Variants in NLGN1 observed in about 807,000 individuals in gnomAD.
NLGN1 encodes neuroligin-1.
A neutral mutation model predicts 65.5 loss-of-function variants in NLGN1; 12 were observed. The ratio of observed to expected loss-of-function variants is 0.18; its 90% CI spans 0.12 to 0.30. The LOEUF (loss-of-function observed/expected upper bound fraction) is 0.30. Among genes scored for constraint, NLGN1 ranks in the 10% least tolerant of loss-of-function variants. NLGN1 has a pLI of 1.00. For missense variants in NLGN1, 750 were observed against 1,007.1 expected (o/e 0.74, Z 3.46); for synonymous variants, 350 against 359.5 (o/e 0.97, Z 0.30).
intron 3 of NLGN1, among the ~76,000 whole-genome samples, chr3:173,634,006 T>A (rs1756167403): frequency 6.6e-6 from 1 of 152,162 alleles, no homozygotes; most frequent in Admixed American, 6.5e-5. Context: ...ACAACTTGCC[T>A]AAGTAATTCT....
chr3:174,206,290 CA>C (rs1488628966), intron 4 of NLGN1, among the ~76,000 whole-genome samples: 1 of 152,248 alleles, frequency 6.6e-6, no homozygotes, highest in Non-Finnish European at 1.5e-5. Flanking sequence ...CATGCAGTGA[CA>C]GGGGCGAAAT....
chr3:173,719,726 A>G (rs956044489), intron 3 of NLGN1, among the ~76,000 whole-genome samples: 1 of 152,204 alleles, frequency 6.6e-6, no homozygotes, highest in Admixed American at 6.5e-5. Context: ...TGAAAATGTC[A>G]AAGTGTTTAT....
intron 5 of NLGN1, among the ~76,000 whole-genome samples, chr3:174,276,339 A>G (rs962587595): frequency 2.0e-5 from 3 of 151,914 alleles, no homozygotes; most frequent in Admixed American, 6.6e-5. Flanking sequence ...TTCCAACTGC[A>G]TTATTAATTT....
intron 3 of NLGN1, among the ~76,000 whole-genome samples, chr3:173,761,906 G>A (rs770893437): frequency 6.6e-6 from 1 of 152,058 alleles, no homozygotes; most frequent in Non-Finnish European, 1.5e-5. Flanking sequence ...TGAGGCTTCA[G>A]TTACATTTTG....
At chr3:174,197,537 A>AG (rs1553960494) in intron 4 of NLGN1, among the ~76,000 whole-genome samples, 2 of 149,640 alleles carry the variant, frequency 1.3e-5, no homozygotes, top group African/African-American at 4.9e-5. Context: ...AAAAAAAAAA[A>AG]GGAGAATCCA....
chr3:173,552,331 C>A (rs2149267947), intron 2 of NLGN1, among the ~76,000 whole-genome samples: 1 of 152,208 alleles, frequency 6.6e-6, no homozygotes, highest in East Asian at 1.9e-4. Flanking sequence ...TGACCTTTAA[C>A]TATGCAGAAA....
intron 3 of NLGN1, among the ~76,000 whole-genome samples, chr3:173,613,328 C>G (rs1420141429): frequency 6.6e-6 from 1 of 152,042 alleles, no homozygotes; most frequent in Non-Finnish European, 1.5e-5. Context: ...CTATTCAAAT[C>G]AAAACTCAAT....
chr3:173,928,490 A>T (rs564261790), intron 4 of NLGN1, among the ~76,000 whole-genome samples: 1 of 152,196 alleles, frequency 6.6e-6, no homozygotes, highest in Non-Finnish European at 1.5e-5. Context: ...GATAGGAACT[A>T]TGTCACATAG....
chr3:173,403,564 A>G (rs1486352733), intron 1 of NLGN1, among the ~76,000 whole-genome samples: 1 of 152,160 alleles, frequency 6.6e-6, no homozygotes, highest in African/African-American at 2.4e-5. Context: ...TTCAGCTCAC[A>G]TACCAGTGAG....
intron 2 of NLGN1, among the ~76,000 whole-genome samples, chr3:173,603,551 C>T (rs756745152): frequency 1.3e-5 from 2 of 151,982 alleles, no homozygotes; most frequent in Non-Finnish European, 2.9e-5. Flanking sequence ...TAATATATAG[C>T]AAGATGGTAA....
At chr3:174,059,491 A>T (rs937491229) in intron 4 of NLGN1, among the ~76,000 whole-genome samples, 2 of 152,162 alleles carry the variant, frequency 1.3e-5, no homozygotes, top group African/African-American at 4.8e-5. Context: ...AAAATCCATC[A>T]GCCTCAATTT....
intron 4 of NLGN1, among the ~76,000 whole-genome samples, chr3:174,154,374 A>T (rs745980988): frequency 6.6e-6 from 1 of 152,080 alleles, no homozygotes; most frequent in African/African-American, 2.4e-5. Context: ...AATATTTCCC[A>T]TTTAATCTAG....
intron 3 of NLGN1, among the ~76,000 whole-genome samples, chr3:173,801,111 A>C (rs1202116286): frequency 2.0e-5 from 3 of 151,982 alleles, no homozygotes; most frequent in African/African-American, 7.2e-5. Flanking sequence ...CTGATTTTCA[A>C]ACATTGCAAC....
At chr3:174,097,643 T>A (rs1053735976) in intron 4 of NLGN1, among the ~76,000 whole-genome samples, 1 of 152,172 alleles carries the variant, frequency 6.6e-6, no homozygotes, top group African/African-American at 2.4e-5. Flanking sequence ...TATGTAGTGT[T>A]TTGGAGTGAG....
intron 4 of NLGN1, among the ~76,000 whole-genome samples, chr3:174,151,599 ATGTT>A (rs1340647124): frequency 6.6e-6 from 1 of 152,124 alleles, no homozygotes; most frequent in African/African-American, 2.4e-5. Context: ...AATCTCTAGA[ATGTT>A]TGTTCTTTGT....
chr3:173,523,654 AT>A (rs2149146763), intron 2 of NLGN1, among the ~76,000 whole-genome samples: 1 of 151,728 alleles, frequency 6.6e-6, no homozygotes, highest in African/African-American at 2.4e-5. Flanking sequence ...TTTAGTTACT[AT>A]AGCCTTATAC....
At chr3:173,665,351 G>A (rs1173775824) in intron 3 of NLGN1, among the ~76,000 whole-genome samples, 1 of 152,060 alleles carries the variant, frequency 6.6e-6, no homozygotes, top group African/African-American at 2.4e-5. Context: ...CTTCCTTCAT[G>A]ATTATAAGTT....
chr3:173,467,778 G>A (rs942819809), intron 2 of NLGN1, among the ~76,000 whole-genome samples: 1 of 152,104 alleles, frequency 6.6e-6, no homozygotes, highest in Non-Finnish European at 1.5e-5. Flanking sequence ...TCACATTTCA[G>A]TGTGAGTCAA....
intron 4 of NLGN1, among the ~76,000 whole-genome samples, chr3:173,812,587 C>G (rs1424935660): frequency 6.6e-6 from 1 of 151,586 alleles, no homozygotes; most frequent in Non-Finnish European, 1.5e-5. Flanking sequence ...AAAAATTAGC[C>G]AGGTGTGGTG....
Sources: allele counts gnomAD v4.1 joint callset (sites outside exome capture counted in the v4.1 genomes callset), GRCh38; gene constraint gnomAD v4.1.1; transcripts MANE v1.5; gene names NCBI Gene and HGNC (gene_info 2026-07-23, HGNC 2026-07-21).